DCLK1: variants seen among roughly 807,000 people sequenced by gnomAD.
DCLK1 encodes the protein serine/threonine-protein kinase DCLK1.
A neutral mutation model predicts 86.2 loss-of-function variants in DCLK1; 16 were observed. The ratio of observed to expected loss-of-function variants is 0.19; its 90% CI spans 0.13 to 0.28. DCLK1 has a LOEUF of 0.28. DCLK1 is among the 10% of genes least tolerant of loss of function. The pLI, the probability that DCLK1 is intolerant of heterozygous loss-of-function variation, is 1.00. For missense variants in DCLK1, 590 were observed against 940.2 expected, an observed-to-expected ratio of 0.63 and a Z score of 4.87; for synonymous variants, 369 against 370.5, an observed-to-expected ratio of 1.00 and a Z score of 0.05.
At chr13:36,093,662 C>T (rs1884911120) in intron 3 of DCLK1, among the ~76,000 whole-genome samples, 1 of 152,124 alleles carries the variant, frequency 6.6e-6, no homozygotes, top group African/African-American at 2.4e-5. Flanking sequence ...CCTATGTTTC[C>T]AGTCCTTTTT....
At chr13:35,985,222 G>A (rs563864791) in intron 3 of DCLK1, among the ~76,000 whole-genome samples, 1 of 152,272 alleles carries the variant, frequency 6.6e-6, no homozygotes, top group African/African-American at 2.4e-5. Context: ...TTCTAACAGA[G>A]GTGTGGAAAG....
chr13:35,878,695 A>G (rs1180553867), intron 4 of DCLK1, among the ~76,000 whole-genome samples: 1 of 152,180 alleles, frequency 6.6e-6, no homozygotes, highest in East Asian at 1.9e-4. Flanking sequence ...TGGATACCCC[A>G]TTTACCCTGA....
intron 4 of DCLK1, among the ~76,000 whole-genome samples, chr13:35,940,093 T>G (rs2153131469): frequency 6.6e-6 from 1 of 152,162 alleles, no homozygotes; most frequent in Admixed American, 6.5e-5. Flanking sequence ...TGGTGGCATG[T>G]GCCTGTAGTC....
intron 7 of DCLK1, 57 bp downstream of exon 7, chr13:35,839,035 G>T: frequency 6.7e-7 from 1 of 1,495,604 alleles, no homozygotes; most frequent in Non-Finnish European, 9.1e-7. Context: ...GTTTCTTGGA[G>T]TAAATTTAGC....
chr13:36,107,819 T>C (rs1885454012), intron 3 of DCLK1, among the ~76,000 whole-genome samples: 1 of 152,160 alleles, frequency 6.6e-6, no homozygotes, highest in Non-Finnish European at 1.5e-5. Flanking sequence ...TGGTAACTTT[T>C]AGTCTTATTT....
At chr13:36,086,900 T>C (rs541296272) in intron 3 of DCLK1, among the ~76,000 whole-genome samples, 1 of 152,324 alleles carries the variant, frequency 6.6e-6, no homozygotes, top group African/African-American at 2.4e-5. Flanking sequence ...TTCCAAGTCT[T>C]TGCTATTGCG....
At chr13:36,130,793 C>A (rs1400940016) in intron 1 of DCLK1, among the ~76,000 whole-genome samples, 4 of 152,200 alleles carry the variant, frequency 2.6e-5, no homozygotes, top group African/African-American at 9.6e-5. Flanking sequence ...GCTCCTCCGC[C>A]CTGGCTCTCC....
At chr13:35,887,709 C>A (rs532931382) in intron 4 of DCLK1, among the ~76,000 whole-genome samples, 1 of 151,734 alleles carries the variant, frequency 6.6e-6, no homozygotes, top group Non-Finnish European at 1.5e-5. Flanking sequence ...TCACCTATGT[C>A]ATGTAGCTAG....
At chr13:36,029,180 G>C (rs1165106744) in intron 3 of DCLK1, among the ~76,000 whole-genome samples, 1 of 152,064 alleles carries the variant, frequency 6.6e-6, no homozygotes, top group Non-Finnish European at 1.5e-5. Flanking sequence ...GACTCTTTCC[G>C]GTAACAGTGA....
At chr13:35,997,426 C>CT (rs1416144118) in intron 3 of DCLK1, among the ~76,000 whole-genome samples, 2 of 152,190 alleles carry the variant, frequency 1.3e-5, no homozygotes, top group Non-Finnish European at 2.9e-5. Flanking sequence ...AACATTTTCC[C>CT]TCTCTTGGCT....
intron 3 of DCLK1, among the ~76,000 whole-genome samples, chr13:36,089,690 T>C (rs1172767153): frequency 6.6e-6 from 1 of 152,228 alleles, no homozygotes; most frequent in East Asian, 1.9e-4. Context: ...TTTATGTTTC[T>C]GAGTCACTGA....
chr13:36,062,129 T>C (rs560878541), intron 3 of DCLK1, among the ~76,000 whole-genome samples: 2 of 152,276 alleles, frequency 1.3e-5, no homozygotes, highest in South Asian at 4.1e-4. Flanking sequence ...GTGTTCCCAT[T>C]TTATAAATTT....
chr13:35,821,692 G>T (rs1214439032), intron 11 of DCLK1, among the ~76,000 whole-genome samples: 3 of 139,426 alleles, frequency 2.2e-5, no homozygotes, highest in Non-Finnish European at 4.6e-5. Flanking sequence ...ATATATATAT[G>T]CACAGTATAT....
intron 3 of DCLK1, among the ~76,000 whole-genome samples, chr13:35,956,731 A>C (rs1878006128): frequency 1.2e-4 from 1 of 8,432 alleles, no homozygotes; most frequent in Non-Finnish European, 2.3e-4. Context: ...CAAAACAAAA[A>C]AAACATCATC....
intron 3 of DCLK1, among the ~76,000 whole-genome samples, chr13:35,958,060 C>A (rs556659602): frequency 9.0e-4 from 69 of 76,338 alleles, no homozygotes; most frequent in African/African-American, 4.1e-3. Flanking sequence ...ACCACTATAA[C>A]CACTAGCACC....
intron 3 of DCLK1, among the ~76,000 whole-genome samples, chr13:35,986,169 G>A (rs1879893381): frequency 6.6e-6 from 1 of 151,868 alleles, no homozygotes; most frequent in Non-Finnish European, 1.5e-5. Flanking sequence ...GGATGTGGTG[G>A]TGCATGCCTG....
At chr13:35,966,300 G>A (rs1195266788) in intron 3 of DCLK1, among the ~76,000 whole-genome samples, 1 of 152,154 alleles carries the variant, frequency 6.6e-6, no homozygotes, top group Non-Finnish European at 1.5e-5. Context: ...ATGCCCAAAA[G>A]AACTGAAAGC....
chr13:35,960,969 G>C (rs1268152011), intron 3 of DCLK1, among the ~76,000 whole-genome samples: 3 of 152,188 alleles, frequency 2.0e-5, no homozygotes, highest in Non-Finnish European at 4.4e-5. Context: ...CCTAGCACAG[G>C]AAGATGCTTT....
intron 3 of DCLK1, among the ~76,000 whole-genome samples, chr13:35,973,399 G>C (rs1164928459): frequency 6.6e-6 from 1 of 152,100 alleles, no homozygotes; most frequent in African/African-American, 2.4e-5. Flanking sequence ...CCCTCTTCTG[G>C]GAAGCTCTCC....
Sources: gnomAD v4.1 joint callset for allele counts (sites outside exome capture counted in the v4.1 genomes callset) on GRCh38, gnomAD v4.1.1 for gene constraint, MANE v1.5 for transcripts, NCBI Gene and HGNC (gene_info 2026-07-23, HGNC 2026-07-21) for gene names.